Variants in PEX2 observed in about 807,000 individuals in gnomAD.
The protein encoded by PEX2 is peroxisomal biogenesis factor 2, also known as peroxisome biogenesis factor 2.
In PEX2, 19 loss-of-function variants were observed where a neutral mutation model predicts 25.2. The observed-to-expected ratio is 0.75, with a 90% CI of 0.53 to 1.10. The LOEUF (loss-of-function observed/expected upper bound fraction) is 1.10. PEX2 is among the 50% of genes least tolerant of loss of function. PEX2 has a pLI of 0.00. For missense variants in PEX2, 347 were observed against 350.6 expected, an observed-to-expected ratio of 0.99 and a Z score of 0.08; for synonymous variants, 141 against 127.7, an observed-to-expected ratio of 1.10 and a Z score of -0.70.
At chr8:76,991,037 A>C (rs1406564282) in intron 1 of PEX2, among the ~76,000 whole-genome samples, 1 of 152,200 alleles carries the variant, frequency 6.6e-6, no homozygotes, top group Non-Finnish European at 1.5e-5. Context: ...AGTACACCCT[A>C]TGATGTTCGC....
At chr8:76,996,849 T>C (rs915628190) in intron 1 of PEX2, among the ~76,000 whole-genome samples, 1 of 152,206 alleles carries the variant, frequency 6.6e-6, no homozygotes, top group Non-Finnish European at 1.5e-5. Context: ...ATCATCTCCA[T>C]TTTAAGAAGA....
rs1198325732 is a variant in PEX2 at position 76,982,617 on chromosome 8, C to G, written c.*644G>C. 6.6e-6 allele frequency: 1 copy of G among 152,598 alleles called. No homozygotes were observed. Among genetic ancestry groups the G allele is most frequent in the Non-Finnish European group, 1.5e-5 (1 of 68,460 alleles). 9.5% of individuals were successfully genotyped at this position (152,598 alleles called of 1,614,324 possible). A position where few individuals can be genotyped will look rare whatever the true frequency, so the allele number is the denominator to read the frequency against. On this transcript the variant is annotated 3_prime_UTR_variant, in exon 4 of 4. Transcript: ENST00000357039. Reference sequence around the variant, plus strand: ...ACCAGATCAGGAGATAGAGACCATCCTGGCTAACACAGTGAACCCCATCTC... The same window carrying G: ...ACCAGATCAGGAGATAGAGACCATCGTGGCTAACACAGTGAACCCCATCTC...
intron 1 of PEX2, among the ~76,000 whole-genome samples, chr8:76,991,710 G>C (rs960638000): frequency 6.6e-6 from 1 of 152,034 alleles, no homozygotes; most frequent in Non-Finnish European, 1.5e-5. Context: ...AAACAGGCCT[G>C]GGCTCAAGTT....
intron 1 of PEX2, among the ~76,000 whole-genome samples, chr8:76,996,492 T>A (rs1807337273): frequency 6.6e-6 from 1 of 152,126 alleles, no homozygotes. Context: ...GGCCAAGTAC[T>A]AAGAGTATAG....
chr8:77,000,183 G>C (rs1477356751), upstream of PEX2: 2 of 309,504 alleles, frequency 6.5e-6, no homozygotes, highest in African/African-American at 2.2e-5. Context: ...CTTTAGCGGC[G>C]CTGCTGAAGG....
intron 1 of PEX2, among the ~76,000 whole-genome samples, chr8:76,995,924 C>CAAACA (rs149462008): frequency 4.7e-5 from 7 of 150,400 alleles, no homozygotes; most frequent in East Asian, 2.0e-4. Context: ...AAAAAAGAAA[C>CAAACA]AAAAAAAAGC....
At chr8:76,984,822 A>T (rs987408046) in intron 3 of PEX2, among the ~76,000 whole-genome samples, 6 of 152,190 alleles carry the variant, frequency 3.9e-5, no homozygotes, top group Non-Finnish European at 8.8e-5. Context: ...GAAAATAAAT[A>T]GTACTAAATC....
chr8:76,984,028 G>C lies in PEX2; in HGVS notation c.151C>G (p.Arg51Gly). The C allele has an allele frequency of 6.2e-7, 1 of 1,613,462 alleles. No individual in the cohort carries two copies. Among genetic ancestry groups the C allele is most frequent in the Middle Eastern group, 1.7e-4 (1 of 6,058 alleles). The change falls in exon 4 of 4, where the codon CGC (arginine) becomes GGC (glycine). Residue 51 changes from arginine (R) to glycine (G), a missense_variant. By Grantham distance (125) the Arg-to-Gly change is moderately radical. Transcript: ENST00000357039. ...FHGFKPGLLA[R>G]FEPEVKACLW... ...CACGCTTTCACCTCTGGCTCAAAGC[G>C]AGCTAACAGCCCAGGTTTAAATCCA...
At chr8:76,991,387 AG>A (rs1807165458) in intron 1 of PEX2, among the ~76,000 whole-genome samples, 1 of 152,076 alleles carries the variant, frequency 6.6e-6, no homozygotes, top group African/African-American at 2.4e-5. Flanking sequence ...TTTCCTCCCC[AG>A]GCCTGGCCTC....
In PEX2 at chr8:76,984,133, T is replaced by C; in HGVS notation, c.46A>G (p.Arg16Gly). Residue 16 changes from arginine (R) to glycine (G), a missense_variant, in exon 4 of 4, where the codon AGA becomes GGA. Coordinates refer to ENST00000357039, the MANE Select transcript of PEX2 (RefSeq NM_000318.3). ...TCAAGTGCATCCAACTGGCTTATTC[T>C]TAGCACTCTGTTTGCACTCTTCGCA... ...ENAKSANRVLRISQLDALELN... is the reference protein window; with the variant it reads ...ENAKSANRVLGISQLDALELN... The C allele has an allele frequency of 6.2e-7, 1 of 1,614,104 alleles. No homozygotes were observed. The highest frequency in any genetic ancestry group is 8.5e-7 in the Non-Finnish European group (1 of 1,179,996).
intron 2 of PEX2, chr8:76,988,082 C>T (rs1328022833): frequency 6.6e-6 from 1 of 152,182 alleles, no homozygotes; most frequent in Non-Finnish European, 1.5e-5. Flanking sequence ...TAGATCTTGT[C>T]TATTTGTAAC....
chr8:76,987,396 G>A (rs1025457411), intron 2 of PEX2, among the ~76,000 whole-genome samples: 1 of 152,138 alleles, frequency 6.6e-6, no homozygotes, highest in African/African-American at 2.4e-5. Flanking sequence ...CCAATGGTGA[G>A]AAGAGTAGGT....
intron 3 of PEX2, among the ~76,000 whole-genome samples, chr8:76,984,442 C>T (rs911924093): frequency 2.0e-5 from 3 of 152,050 alleles, no homozygotes; most frequent in African/African-American, 7.2e-5. Flanking sequence ...TGACCCTCTT[C>T]ATCAAAGAAA....
intron 1 of PEX2, among the ~76,000 whole-genome samples, chr8:76,997,268 C>T (rs1010183898): frequency 6.6e-6 from 1 of 152,160 alleles, no homozygotes; most frequent in Non-Finnish European, 1.5e-5. Flanking sequence ...TTAACTATTA[C>T]GAACACATAC....
chr8:76,989,908 C>A (rs973364153), intron 1 of PEX2, among the ~76,000 whole-genome samples: 11 of 152,232 alleles, frequency 7.2e-5, no homozygotes, highest in African/African-American at 1.9e-4. Flanking sequence ...ACAGGAGAGT[C>A]AGCCTGTCCT....
Position 77,000,060 on chromosome 8 carries a change from T to C in PEX2, c.-230A>G, listed in dbSNP as rs759320414. On this transcript the variant is annotated 5_prime_UTR_variant, in exon 1 of 4. Transcript: ENST00000357039. ...AACATTCTCTGGAAAGCTTGTCTTT[T>C]CCTAGCCGAATCTGGATTACCAAGG... The C allele has an allele frequency of 1.2e-5, 5 of 429,250 alleles. No homozygotes were observed. Among genetic ancestry groups the C allele is most frequent in the Non-Finnish European group, 2.3e-5 (5 of 212,858 alleles). 26.6% of individuals were successfully genotyped at this position (429,250 alleles called of 1,614,324 possible). A position where few individuals can be genotyped will look rare whatever the true frequency, so the allele number is the denominator to read the frequency against.
intron 1 of PEX2, among the ~76,000 whole-genome samples, chr8:76,993,892 T>C (rs936646005): frequency 6.6e-6 from 1 of 152,210 alleles, no homozygotes; most frequent in Admixed American, 6.5e-5. Flanking sequence ...GTAACTAAAA[T>C]TATAATTGGC....
intron 3 of PEX2, 96 bp from the exon 4 acceptor site, chr8:76,984,291 C>G: frequency 2.1e-6 from 2 of 962,400 alleles, no homozygotes; most frequent in Non-Finnish European, 3.3e-6. Flanking sequence ...ACAAATTACA[C>G]AGGACACATA....
rs1023957359 is a variant in PEX2, at chr8:76,997,625, T to C, written c.-160+2365A>G. Among the ~76,000 whole-genome samples the C allele has an allele frequency of 5.3e-5, 8 of 152,348 alleles. No homozygotes were observed. In the South Asian group the frequency reaches 1.7e-3, roughly 32 times the overall value. ...TCAAAACACCATTACACTTAAGTTC[T>C]TGGTTGTTTTACTAGTAAGAAGAAA... On this transcript the variant is annotated intron_variant, in intron 1 of 3. Transcript: ENST00000357039.
Sources: allele counts gnomAD v4.1 joint callset (sites outside exome capture counted in the v4.1 genomes callset), GRCh38; gene constraint gnomAD v4.1.1; transcripts MANE v1.5; gene names NCBI Gene and HGNC (gene_info 2026-07-23, HGNC 2026-07-21).